The following HMGA2 variants were observed in gnomAD, a reference collection of about 807,000 sequenced individuals.
HMGA2 encodes high mobility group AT-hook 2, also known as high mobility group protein HMGI-C.
Under a neutral mutation model 19.1 loss-of-function variants are expected in HMGA2, and 8 were observed. That is an observed-to-expected ratio of 0.42 (90% CI 0.25 to 0.76). The LOEUF (loss-of-function observed/expected upper bound fraction) is 0.76, where lower values mean the gene tolerates loss of function less well. Ranked by LOEUF, HMGA2 falls within the 30% of genes least tolerant of loss-of-function variation. HMGA2 has a pLI of 0.28. For missense variants in HMGA2, 109 were observed against 136.3 expected (o/e 0.80, Z 1.00); for synonymous variants, 60 against 48.8 (o/e 1.23, Z -0.96).
rs1876865674 is a variant in HMGA2, at chr12:65,964,971, C to T, written c.*1679C>T. The T allele has an allele frequency of 5.3e-6, 1 of 188,158 alleles. No individual in the cohort carries two copies. The highest frequency in any genetic ancestry group is 1.1e-5 in the Non-Finnish European group (1 of 89,132). 11.7% of individuals were successfully genotyped at this position (188,158 alleles called of 1,614,324 possible). A position where few individuals can be genotyped will look rare whatever the true frequency, so the allele number is the denominator to read the frequency against. ...TGACTTGCAAAGACCTACCTCCAGA[C>T]TTCAAAAGGAATGAACTTGTTACTT... On this transcript the variant is annotated 3_prime_UTR_variant, in exon 5 of 5. Transcript: ENST00000403681.
intron 4 of HMGA2, 51 bp from the exon 5 acceptor site, chr12:65,963,194 C>T (rs1876801673): frequency 1.3e-6 from 2 of 1,570,328 alleles, no homozygotes; most frequent in South Asian, 2.2e-5. Flanking sequence ...CAAGAGCAGC[C>T]CACACAGTAT....
At chr12:65,868,280 GTA>G (rs1478154302) in intron 3 of HMGA2, among the ~76,000 whole-genome samples, 1 of 152,098 alleles carries the variant, frequency 6.6e-6, no homozygotes, top group Non-Finnish European at 1.5e-5. Flanking sequence ...TGATCTTGCA[GTA>G]TCACGTTTCT....
intron 3 of HMGA2, among the ~76,000 whole-genome samples, chr12:65,848,759 G>C (rs949593245): frequency 6.6e-5 from 10 of 152,136 alleles, no homozygotes; most frequent in African/African-American, 2.4e-4. Flanking sequence ...GGGAGGCTGA[G>C]GCAGGAGAAT....
intron 3 of HMGA2, among the ~76,000 whole-genome samples, chr12:65,883,891 G>A (rs1873547160): frequency 6.6e-6 from 1 of 152,196 alleles, no homozygotes; most frequent in Admixed American, 6.5e-5. Flanking sequence ...TTGAGACGCA[G>A]TCTCACTCTG....
At chr12:65,848,450 C>T (rs2120915527) in intron 3 of HMGA2, among the ~76,000 whole-genome samples, 1 of 152,328 alleles carries the variant, frequency 6.6e-6, no homozygotes, top group South Asian at 2.1e-4. Context: ...TACATTAAGG[C>T]AGTAGGGTGT....
At chr12:65,951,483 C>T (rs777503458) in intron 4 of HMGA2, 68 bp downstream of exon 4, 1 of 981,018 alleles carries the variant, frequency 1.0e-6, no homozygotes, top group South Asian at 1.5e-5. Flanking sequence ...TGAAAAATGT[C>T]CCCAAACTAA....
chr12:65,952,348 T>C lies in HMGA2; in HGVS notation c.282+933T>C, dbSNP rs142432942. ...TTTACAAATCTACCTTGCATCCTGT[T>C]TTCTTAGGTCAATGTTGCCTTGCCT... On this transcript the variant is annotated intron_variant, in intron 4 of 4. Coordinates refer to ENST00000403681, the MANE Select transcript of HMGA2 (RefSeq NM_003483.6). 12,559 of 1,533,102 alleles carry C rather than the reference T, an allele frequency of 8.2e-3. 68 individuals carry two copies. The highest frequency in any genetic ancestry group is 8.7e-3 in the Non-Finnish European group (10,007 of 1,144,772). 95.0% of individuals were successfully genotyped at this position (1,533,102 alleles called of 1,614,324 possible).
chr12:65,931,826 T>G (rs938262513), intron 3 of HMGA2, among the ~76,000 whole-genome samples: 1 of 152,044 alleles, frequency 6.6e-6, no homozygotes, highest in African/African-American at 2.4e-5. Flanking sequence ...GACAAGAGGA[T>G]CACTTAAGCC....
chr12:65,943,384 C>T (rs571094394), intron 3 of HMGA2, among the ~76,000 whole-genome samples: 1 of 152,218 alleles, frequency 6.6e-6, no homozygotes, highest in Admixed American at 6.5e-5. Context: ...AAAGTATCAG[C>T]CCCCCAGTCT....
chr12:65,865,403 G>T (rs1429498419), intron 3 of HMGA2, among the ~76,000 whole-genome samples: 3 of 152,038 alleles, frequency 2.0e-5, no homozygotes, highest in Admixed American at 6.6e-5. Flanking sequence ...TTTACAGATA[G>T]AAATGAAAGT....
chr12:65,837,689 A>G (rs1870792672), intron 2 of HMGA2, among the ~76,000 whole-genome samples: 1 of 152,210 alleles, frequency 6.6e-6, no homozygotes, highest in Non-Finnish European at 1.5e-5. Context: ...CGGAAAAACT[A>G]ATTGCTTTAT....
chr12:65,841,513 G>A (rs533668145), intron 3 of HMGA2, among the ~76,000 whole-genome samples: 3 of 152,268 alleles, frequency 2.0e-5, no homozygotes, highest in Admixed American at 6.5e-5. Context: ...AAGGCATTCC[G>A]TTCAATGGCA....
intron 3 of HMGA2, chr12:65,915,073 A>G (rs1875029020): frequency 1.9e-6 from 3 of 1,613,726 alleles, no homozygotes; most frequent in Non-Finnish European, 8.5e-7. Flanking sequence ...ATCTACTACC[A>G]AGAACCAGCT....
At chr12:65,870,558 C>T (rs781206082) in intron 3 of HMGA2, among the ~76,000 whole-genome samples, 4 of 151,870 alleles carry the variant, frequency 2.6e-5, no homozygotes, top group Admixed American at 6.6e-5. Context: ...TGCAAAAGCC[C>T]GTCTCTACTA....
intron 3 of HMGA2, among the ~76,000 whole-genome samples, chr12:65,864,207 AC>A (rs1872263623): frequency 6.6e-6 from 1 of 152,122 alleles, no homozygotes; most frequent in Non-Finnish European, 1.5e-5. Flanking sequence ...CAACCTGCCA[AC>A]CATGCTTAGA....
At chr12:65,898,122 A>G (rs2121161870) in intron 3 of HMGA2, among the ~76,000 whole-genome samples, 1 of 152,270 alleles carries the variant, frequency 6.6e-6, no homozygotes, top group South Asian at 2.1e-4. Flanking sequence ...CCTCCAACTA[A>G]ATAACAAACA....
At chr12:65,956,198 T>G (rs1457466355) in intron 4 of HMGA2, 1 of 152,234 alleles carries the variant, frequency 6.6e-6, no homozygotes, top group East Asian at 1.9e-4. Flanking sequence ...TCACAAAGAT[T>G]ACCGATGTAT....
At chr12:65,832,356 C>T (rs920569206) in intron 2 of HMGA2, among the ~76,000 whole-genome samples, 8 of 151,946 alleles carry the variant, frequency 5.3e-5, no homozygotes, top group Non-Finnish European at 7.4e-5. Context: ...TCTCTGGAAG[C>T]TCTCATCCTT....
rs1022440056 is a variant in HMGA2, at chr12:65,825,706, C to T, written c.111+325C>T. Among the ~76,000 whole-genome samples, 2 of 152,144 alleles carry T rather than the reference C, an allele frequency of 1.3e-5. No homozygotes were observed. The highest frequency in any genetic ancestry group is 4.8e-5 in the African/African-American group (2 of 41,450). ...GTGTCGCCCAGTGACTGGAAGCGAC[C>T]GGGATCCGACAAACCCGGGCTCGCA... On this transcript the variant is annotated intron_variant, in intron 1 of 4. Coordinates refer to ENST00000403681, the MANE Select transcript of HMGA2 (RefSeq NM_003483.6). This position sits in a 1 kb window ranked among gnomAD's most constrained non-coding sequence, Gnocchi z 4.4.
Sources: gnomAD v4.1 joint callset for allele counts (sites outside exome capture counted in the v4.1 genomes callset) on GRCh38, gnomAD v4.1.1 for gene constraint, Gnocchi (gnomAD v3.1) non-coding constraint, MANE v1.5 for transcripts, NCBI Gene and HGNC (gene_info 2026-07-23, HGNC 2026-07-21) for gene names.